TNNI3K: variants seen among roughly 807,000 people sequenced by gnomAD.
TNNI3K encodes the protein serine/threonine-protein kinase TNNI3K.
Under a neutral mutation model 114.5 loss-of-function variants are expected in TNNI3K, and 140 were observed. The observed-to-expected ratio is 1.22, with a 90% CI of 1.07 to 1.41. TNNI3K has a LOEUF of 1.41. Among genes scored for constraint, TNNI3K ranks in the 40% most tolerant of loss-of-function variants. TNNI3K has a pLI of 0.00. For missense variants in TNNI3K, 1,125 were observed against 1,007.6 expected (o/e 1.12, Z -1.58); for synonymous variants, 347 against 347.5 (o/e 1.00, Z 0.02).
chr1:74,323,753 G>C (rs1001226543), intron 5 of TNNI3K, among the ~76,000 whole-genome samples: 1 of 152,008 alleles, frequency 6.6e-6, no homozygotes, highest in Non-Finnish European at 1.5e-5. Flanking sequence ...ATCACTTCTG[G>C]AATATTTATT....
intron 23 of TNNI3K, among the ~76,000 whole-genome samples, chr1:74,519,539 C>T (rs1646400728): frequency 7.9e-6 from 1 of 126,030 alleles, no homozygotes; most frequent in African/African-American, 4.5e-5. Flanking sequence ...TCCTCTCCAG[C>T]ACCTGTTGTT....
At chr1:74,494,768 T>C (rs1161220581) in intron 23 of TNNI3K, among the ~76,000 whole-genome samples, 1 of 152,174 alleles carries the variant, frequency 6.6e-6, no homozygotes, top group Non-Finnish European at 1.5e-5. Context: ...ACATGTAAAA[T>C]ACTGATAATA....
At chr1:74,337,419 C>A (rs954684518) in intron 7 of TNNI3K, among the ~76,000 whole-genome samples, 1 of 151,738 alleles carries the variant, frequency 6.6e-6, no homozygotes, top group Admixed American at 6.6e-5. Context: ...ACATGAAGTC[C>A]TTGCCCATGC....
intron 5 of TNNI3K, among the ~76,000 whole-genome samples, chr1:74,297,522 C>CGTGTGT (rs10633137): frequency 0.21 from 30,264 of 145,236 alleles, 3,526 homozygotes; most frequent in East Asian, 0.48. Context: ...TGTGTGTGTG[C>CGTGTGT]GTGTGTGTGT....
At chr1:74,427,841 G>A (rs1665708547) in intron 17 of TNNI3K, among the ~76,000 whole-genome samples, 1 of 151,954 alleles carries the variant, frequency 6.6e-6, no homozygotes, top group South Asian at 2.1e-4. Context: ...AGAAACCTCA[G>A]AATCAATAGC....
chr1:74,443,835 C>T (rs1363474691), intron 20 of TNNI3K, among the ~76,000 whole-genome samples: 4 of 152,052 alleles, frequency 2.6e-5, no homozygotes, highest in Non-Finnish European at 1.5e-5. Flanking sequence ...TTCATCCCCA[C>T]GATGTAAGGC....
At chr1:74,349,027 C>T (rs577321800) in intron 9 of TNNI3K, among the ~76,000 whole-genome samples, 264 of 152,222 alleles carry the variant, frequency 1.7e-3, no homozygotes, top group Middle Eastern at 6.8e-3. Context: ...GAACTTCCAA[C>T]GCTATGTTGA....
At chr1:74,401,624 A>G (rs1664368777) in intron 17 of TNNI3K, among the ~76,000 whole-genome samples, 1 of 152,198 alleles carries the variant, frequency 6.6e-6, no homozygotes, top group Admixed American at 6.5e-5. Flanking sequence ...ATTTTCACAA[A>G]TGTTGCTGGA....
At chr1:74,365,510 A>G (rs1218587486) in intron 11 of TNNI3K, among the ~76,000 whole-genome samples, 1 of 152,022 alleles carries the variant, frequency 6.6e-6, no homozygotes, top group Non-Finnish European at 1.5e-5. Context: ...CATAGTAAAA[A>G]AATTTGAGAA....
At chr1:74,290,513 A>G (rs562985034) in intron 5 of TNNI3K, among the ~76,000 whole-genome samples, 65 of 151,926 alleles carry the variant, frequency 4.3e-4, no homozygotes, top group South Asian at 3.7e-3. Flanking sequence ...AAAATAAAAA[A>G]GTAAAATGCT....
intron 11 of TNNI3K, among the ~76,000 whole-genome samples, chr1:74,355,334 G>A (rs919560345): frequency 5.3e-5 from 8 of 152,096 alleles, no homozygotes; most frequent in South Asian, 2.1e-4. Flanking sequence ...GGCCAGGCGC[G>A]GTGGCTCATG....
At chr1:74,355,497 G>T (rs1041782050) in intron 11 of TNNI3K, among the ~76,000 whole-genome samples, 1 of 152,056 alleles carries the variant, frequency 6.6e-6, no homozygotes. Context: ...TCAGCTACTC[G>T]GGAGGCTGAG....
chr1:74,339,991 ACATGTCCAGC>A lies in TNNI3K; in HGVS notation c.683-2847_683-2838del, dbSNP rs573648797. Among the ~76,000 whole-genome samples the A allele has an allele frequency of 5.3e-5, 8 of 152,216 alleles. No individual in the cohort carries two copies. The South Asian group carries it at 1.7e-3, about 32-fold the overall frequency. On this transcript the variant is annotated intron_variant, in intron 7 of 24. Coordinates refer to ENST00000326637, the MANE Select transcript of TNNI3K (RefSeq NM_015978.3). Reference sequence around the variant, plus strand: ...CAGAAAGCCACAAAAAATTCCTAGAACATGTCCAGCCATAGGAAGTGTTTTATTTTTTGAA... The same window carrying A: ...CAGAAAGCCACAAAAAATTCCTAGAACATAGGAAGTGTTTTATTTTTTGAA...
At chr1:74,350,948 A>G (rs938940971) in intron 9 of TNNI3K, among the ~76,000 whole-genome samples, 10 of 151,720 alleles carry the variant, frequency 6.6e-5, no homozygotes, top group African/African-American at 2.4e-4. Flanking sequence ...TTTTAATTGG[A>G]GCATTTAGCC....
intron 23 of TNNI3K, among the ~76,000 whole-genome samples, chr1:74,520,455 G>A (rs1037739274): frequency 2.0e-5 from 3 of 151,810 alleles, no homozygotes; most frequent in Non-Finnish European, 4.4e-5. Flanking sequence ...TGGAGAAATC[G>A]ACCTTCTCAT....
At chr1:74,322,462 T>TC (rs1491525767) in intron 5 of TNNI3K, among the ~76,000 whole-genome samples, 8 of 129,174 alleles carry the variant, frequency 6.2e-5, no homozygotes, top group Non-Finnish European at 1.1e-4. Flanking sequence ...TAATTCTACC[T>TC]TTTTTTTTTT....
chr1:74,533,215 GA>G (rs954149790), intron 23 of TNNI3K, among the ~76,000 whole-genome samples: 1 of 151,884 alleles, frequency 6.6e-6, no homozygotes, highest in African/African-American at 2.4e-5. Flanking sequence ...AAATTTACAA[GA>G]AAAAAACAAA....
chr1:74,404,240 A>G (rs2100597131), intron 17 of TNNI3K, among the ~76,000 whole-genome samples: 1 of 152,234 alleles, frequency 6.6e-6, no homozygotes, highest in East Asian at 1.9e-4. Flanking sequence ...CCCCATCCCC[A>G]AACCTATCAA....
intron 20 of TNNI3K, among the ~76,000 whole-genome samples, chr1:74,462,075 T>C (rs1341412753): frequency 6.6e-6 from 1 of 152,256 alleles, no homozygotes; most frequent in Non-Finnish European, 1.5e-5. Flanking sequence ...TGAAATATTT[T>C]AACAATGGTT....
Sources: allele counts gnomAD v4.1 joint callset (sites outside exome capture counted in the v4.1 genomes callset), GRCh38; gene constraint gnomAD v4.1.1; transcripts MANE v1.5; gene names NCBI Gene and HGNC (gene_info 2026-07-23, HGNC 2026-07-21).